The following TANC1 variants were observed in gnomAD, a reference collection of about 807,000 sequenced individuals.
The protein encoded by TANC1 is protein TANC1.
A neutral mutation model predicts 149.7 loss-of-function variants in TANC1; 77 were observed. The observed-to-expected ratio is 0.51, with a 90% confidence interval of 0.43 to 0.62. The LOEUF is 0.62. Ranked by LOEUF, TANC1 falls within the 20% of genes least tolerant of loss-of-function variation. The pLI is 0.00. For missense variants in TANC1, 1,985 were observed against 2,321.8 expected (o/e 0.85, Z 2.98); for synonymous variants, 854 against 925.0 (o/e 0.92, Z 1.39).
chr2:159,047,190 C>CG (rs1366141219), intron 2 of TANC1, among the ~76,000 whole-genome samples: 1 of 148,076 alleles, frequency 6.8e-6, no homozygotes, highest in African/African-American at 2.5e-5. Flanking sequence ...AACTCATTTC[C>CG]CCCCCCCAGT....
At chr2:159,155,846 G>C (rs778327868) in intron 7 of TANC1, among the ~76,000 whole-genome samples, 1 of 152,180 alleles carries the variant, frequency 6.6e-6, no homozygotes, top group Non-Finnish European at 1.5e-5. Flanking sequence ...AGAGTATCTT[G>C]CTAGAGTTTG....
chr2:159,075,497 G>A (rs1336349196), intron 3 of TANC1, among the ~76,000 whole-genome samples: 1 of 151,774 alleles, frequency 6.6e-6, no homozygotes, highest in Admixed American at 6.6e-5. Flanking sequence ...GATTGCTTGA[G>A]CCTGGAAAGT....
At position 159,165,970 on chromosome 2, in the gene TANC1, A is replaced by G. The variant is rs75258846; in HGVS notation, c.946+2424A>G. On this transcript the variant is annotated intron_variant, in intron 8 of 26. Coordinates refer to ENST00000263635, the MANE Select transcript of TANC1 (RefSeq NM_033394.3). ...TACAGTGACAGGTTTTTTTATTTTT[A>G]TTTTTTGACAAAGATTATAAAAATA... 9.2e-3 allele frequency among the ~76,000 whole-genome samples: 1,396 copies of G among 152,228 alleles called. 80 individuals are homozygous for G. The East Asian group carries it at 0.16, about 18-fold the overall frequency.
At chr2:159,222,294 CAT>C (rs960801204) in intron 22 of TANC1, among the ~76,000 whole-genome samples, 1 of 152,164 alleles carries the variant, frequency 6.6e-6, no homozygotes, top group Non-Finnish European at 1.5e-5. Context: ...CATTTCTAAA[CAT>C]ATAGAGTTCA....
chr2:159,069,051 A>G (rs2042916333), intron 3 of TANC1, among the ~76,000 whole-genome samples: 1 of 152,184 alleles, frequency 6.6e-6, no homozygotes, highest in African/African-American at 2.4e-5. Flanking sequence ...GATATTTGCA[A>G]TATTATGTAC....
chr2:159,219,781 G>C lies in TANC1; in HGVS notation c.3592G>C (p.Val1198Leu). ...KGHRAVVQYL[V>L]EEGAAIDQTD... ...TCACAGGGCAGTGGTCCAGTATCTG[G>C]TTGAAGAAGGAGCTGCAATAGACCA... is the stretch of plus-strand genomic sequence containing the variant. The change falls in exon 22 of 27, where the codon GTT (valine) becomes CTT (leucine). Residue 1198 changes from valine (V) to leucine (L), a missense_variant. Around this residue, in one of 3 missense-constraint regions of TANC1, gnomAD observed 920 missense variants for 994.7 expected, o/e 0.92. Coordinates refer to ENST00000263635, the MANE Select transcript of TANC1 (RefSeq NM_033394.3). The C allele has an allele frequency of 6.2e-7, 1 of 1,614,202 alleles. No homozygotes were observed. Among genetic ancestry groups the C allele is most frequent in the Non-Finnish European group, 8.5e-7 (1 of 1,180,052 alleles).
intron 1 of TANC1, among the ~76,000 whole-genome samples, chr2:158,987,975 C>A (rs980518477): frequency 1.3e-5 from 2 of 152,106 alleles, no homozygotes; most frequent in Non-Finnish European, 2.9e-5. Flanking sequence ...CTACCTTACT[C>A]TAATTTTCCT....
At position 159,225,967 on chromosome 2, in the gene TANC1, A is replaced by C. The variant is rs1457152535; in HGVS notation, c.3903+188A>C. 9.6e-6 allele frequency: 6 copies of C among 625,616 alleles called. No homozygotes were observed. The African/African-American group carries it at 1.1e-4, about 12-fold the overall frequency. The allele number at this position is 625,616 out of a possible 1,614,324, so 38.8% of individuals were successfully genotyped here. A position where few individuals can be genotyped will look rare whatever the true frequency, so the allele number is the denominator to read the frequency against. On this transcript the variant is annotated intron_variant, in intron 24 of 26. Coordinates refer to ENST00000263635, the MANE Select transcript of TANC1 (RefSeq NM_033394.3). ...GAGGCCGAGGTGGGCAGATCACTTG[A>C]GGCCAGGAATTCCAGACCAACCTGG... is the stretch of plus-strand genomic sequence containing the variant.
chr2:159,061,255 C>A (rs1449282373), intron 2 of TANC1, among the ~76,000 whole-genome samples: 2 of 152,094 alleles, frequency 1.3e-5, no homozygotes, highest in African/African-American at 4.8e-5. Context: ...GCTGGTCTTT[C>A]CTTTTGTTGG....
At chr2:159,092,768 A>T (rs2045680239) in intron 3 of TANC1, among the ~76,000 whole-genome samples, 1 of 152,240 alleles carries the variant, frequency 6.6e-6, no homozygotes, top group Non-Finnish European at 1.5e-5. Context: ...TGTAACCTGC[A>T]AAGTCTGAAA....
intron 3 of TANC1, among the ~76,000 whole-genome samples, chr2:159,074,605 C>T (rs1437411917): frequency 6.6e-6 from 1 of 152,168 alleles, no homozygotes; most frequent in African/African-American, 2.4e-5. Context: ...TGAGGGCTTG[C>T]TCTTCACGCC....
At position 159,202,905 on chromosome 2, in the gene TANC1, T is replaced by A. The variant is rs191818716; in HGVS notation, c.3244+3852T>A. On this transcript the variant is annotated intron_variant, in intron 19 of 26. Coordinates refer to ENST00000263635, the MANE Select transcript of TANC1 (RefSeq NM_033394.3). The stretch of plus-strand genomic sequence containing the variant: ...TCTCCATGTCAGTGTTTGCTGTGAA[T>A]CAGCCCAAGCCGAAATGACCAGAGA... 4.4e-4 allele frequency among the ~76,000 whole-genome samples: 67 copies of A among 151,928 alleles called. 1 individual carries two copies. The highest frequency in any genetic ancestry group is 1.5e-3 in the African/African-American group (62 of 41,506).
At position 159,229,732 on chromosome 2, in the gene TANC1, C is replaced by T; in HGVS notation, c.4306C>T (p.Leu1436Phe). ...ACAGCAGGGCCCGCTACCAGCTCCACTCAACGACTCCGAGAACGAAGAGGA... is the reference window on the plus strand; with the variant it reads ...ACAGCAGGGCCCGCTACCAGCTCCATTCAACGACTCCGAGAACGAAGAGGA... The part of the protein sequence containing the change: ...QKQQGPLPAP[L>F]NDSENEEDTP... Residue 1436 changes from leucine to phenylalanine, a missense_variant, in exon 27 of 27, where the codon CTC becomes TTC. By Grantham distance (22) the Leu-to-Phe change is conservative (BLOSUM62 0). Coordinates refer to ENST00000263635, the MANE Select transcript of TANC1 (RefSeq NM_033394.3). 1 of 1,614,074 alleles carries T rather than the reference C, an allele frequency of 6.2e-7. No homozygotes were observed. Among genetic ancestry groups the T allele is most frequent in the Non-Finnish European group, 8.5e-7 (1 of 1,180,016 alleles).
chr2:159,206,081 A>G (rs920494871), intron 19 of TANC1, among the ~76,000 whole-genome samples: 1 of 152,246 alleles, frequency 6.6e-6, no homozygotes, highest in Non-Finnish European at 1.5e-5. Context: ...GACTGCTGTC[A>G]GTCAGAACTA....
At chr2:159,138,859 C>A (rs1559331656) in intron 5 of TANC1, among the ~76,000 whole-genome samples, 2 of 152,192 alleles carry the variant, frequency 1.3e-5, no homozygotes, top group Non-Finnish European at 1.5e-5. Context: ...ACTTTCCTGC[C>A]TCACTTTTGC....
chr2:159,046,562 C>A (rs1043286293), intron 2 of TANC1, among the ~76,000 whole-genome samples: 27 of 144,850 alleles, frequency 1.9e-4, no homozygotes, highest in Non-Finnish European at 2.9e-4. Context: ...TTCTGGGTTC[C>A]TATGCACCAT....
At chr2:158,980,676 G>A (rs1217188782) in intron 1 of TANC1, among the ~76,000 whole-genome samples, 1 of 151,662 alleles carries the variant, frequency 6.6e-6, no homozygotes, top group African/African-American at 2.4e-5. Context: ...TCAGGAGGCT[G>A]AGGCAGGAGA....
intron 1 of TANC1, among the ~76,000 whole-genome samples, chr2:158,972,209 A>C (rs1389419397): frequency 6.6e-6 from 1 of 152,234 alleles, no homozygotes; most frequent in Non-Finnish European, 1.5e-5. Context: ...CTAGTAACCC[A>C]GACAGCATTC....
At chr2:159,074,154 C>A (rs1574479516) in intron 3 of TANC1, among the ~76,000 whole-genome samples, 1 of 152,210 alleles carries the variant, frequency 6.6e-6, no homozygotes. Context: ...CTAGTTATAC[C>A]TCATCAGCCA....
Sources: allele counts gnomAD v4.1 joint callset (sites outside exome capture counted in the v4.1 genomes callset), GRCh38; gene constraint gnomAD v4.1.1; regional missense constraint gnomAD v4.1.1; transcripts MANE v1.5; gene names NCBI Gene and HGNC (gene_info 2026-07-23, HGNC 2026-07-21).